ZNF420: variants seen among roughly 807,000 people sequenced by gnomAD.
ZNF420 encodes ATM and p53-associated KZNF protein.
ZNF420 carries 31 observed loss-of-function variants against 44.7 expected under a neutral mutation model. The ratio of observed to expected loss-of-function variants is 0.69; its 90% CI spans 0.52 to 0.94. ZNF420 has a LOEUF of 0.94. Among genes scored for constraint, ZNF420 ranks in the 40% least tolerant of loss-of-function variants. The probability of loss-of-function intolerance (pLI) is 0.00; values close to 1 mark genes in which losing one functional copy is unlikely to be tolerated. For missense variants in ZNF420, 681 were observed against 827.9 expected (o/e 0.82, Z 2.18); for synonymous variants, 245 against 267.4 (o/e 0.92, Z 0.82).
chr19:37,078,134 G>A (rs976325825), upstream of ZNF420: 8 of 152,360 alleles, frequency 5.3e-5, no homozygotes, highest in African/African-American at 1.9e-4. Flanking sequence ...TCTCCTGCCA[G>A]GGGTAGACCC....
At chr19:37,066,620 A>G in intron 1 of ZNF420, among the ~76,000 whole-genome samples, 1 of 152,238 alleles carries the variant, frequency 6.6e-6, no homozygotes. Flanking sequence ...GTAATGAGAT[A>G]TATAGCCAGA....
At chr19:37,122,939 G>A (rs1367359740) in intron 4 of ZNF420, among the ~76,000 whole-genome samples, 1 of 152,182 alleles carries the variant, frequency 6.6e-6, no homozygotes, top group African/African-American at 2.4e-5. Flanking sequence ...ATCTTCATTT[G>A]ATATCTAATA....
intron 4 of ZNF420, among the ~76,000 whole-genome samples, chr19:37,115,714 C>A (rs1168486182): frequency 2.0e-5 from 3 of 151,938 alleles, no homozygotes; most frequent in African/African-American, 7.2e-5. Flanking sequence ...AGGCCTTCCT[C>A]TTTTACTAAT....
chr19:37,024,261 G>A (rs534085807), intron 1 of ZNF420, among the ~76,000 whole-genome samples: 1 of 152,088 alleles, frequency 6.6e-6, no homozygotes, highest in East Asian at 1.9e-4. Flanking sequence ...TGTAACTCTG[G>A]CATGTATTGA....
chr19:37,105,574 A>C (rs998752631), intron 4 of ZNF420, among the ~76,000 whole-genome samples: 12 of 152,282 alleles, frequency 7.9e-5, no homozygotes, highest in African/African-American at 2.9e-4. Flanking sequence ...TGAATCTATA[A>C]ATTACCTTGG....
At chr19:37,060,273 C>G (rs1363262736) in intron 1 of ZNF420, among the ~76,000 whole-genome samples, 2 of 152,176 alleles carry the variant, frequency 1.3e-5, no homozygotes, top group African/African-American at 4.8e-5. Context: ...CCTCGCGTCT[C>G]TTCTCTGAGA....
intron 2 of ZNF420, among the ~76,000 whole-genome samples, chr19:37,085,515 C>T (rs1049716937): frequency 3.9e-5 from 6 of 152,132 alleles, no homozygotes; most frequent in Non-Finnish European, 5.9e-5. Flanking sequence ...ACTTCTAGTG[C>T]ATTACAGTCT....
intron 4 of ZNF420, chr19:37,092,478 C>T (rs147157649): frequency 0.025 from 3,820 of 152,058 alleles, 84 homozygotes; most frequent in Non-Finnish European, 0.034. Flanking sequence ...TTTGGGAGGC[C>T]GAGGAGGGCG....
chr19:37,056,260 C>T (rs1231628146), intron 1 of ZNF420, among the ~76,000 whole-genome samples: 1 of 152,154 alleles, frequency 6.6e-6, no homozygotes, highest in Non-Finnish European at 1.5e-5. Context: ...CAAAATGTGG[C>T]TTGGACTCAC....
chr19:37,079,497 T>C (rs900554794), intron 1 of ZNF420, among the ~76,000 whole-genome samples: 1 of 152,176 alleles, frequency 6.6e-6, no homozygotes, highest in Non-Finnish European at 1.5e-5. Flanking sequence ...CCTGTATTGC[T>C]TCATTTCTGT....
chr19:37,039,851 C>T (rs1023147184), intron 1 of ZNF420, among the ~76,000 whole-genome samples: 3 of 152,044 alleles, frequency 2.0e-5, no homozygotes, highest in African/African-American at 7.2e-5. Context: ...GAGGCATGCA[C>T]CACAATACAT....
At chr19:37,065,826 G>C (rs1450408533) in intron 1 of ZNF420, among the ~76,000 whole-genome samples, 1 of 152,178 alleles carries the variant, frequency 6.6e-6, no homozygotes, top group Non-Finnish European at 1.5e-5. Context: ...AGGTGCCAAA[G>C]ACCTCCACTG....
chr19:37,038,597 A>G (rs1241692919), intron 1 of ZNF420, among the ~76,000 whole-genome samples: 1 of 152,194 alleles, frequency 6.6e-6, no homozygotes, highest in Non-Finnish European at 1.5e-5. Flanking sequence ...CCAGGAGTAG[A>G]TTCCATCTCA....
At chr19:37,048,057 A>G (rs992803851) in intron 1 of ZNF420, among the ~76,000 whole-genome samples, 2 of 152,146 alleles carry the variant, frequency 1.3e-5, no homozygotes, top group Non-Finnish European at 2.9e-5. Context: ...GGGAGCTTTG[A>G]TTTTTTTAAA....
chr19:37,096,902 C>A (rs1187952018), intron 4 of ZNF420, among the ~76,000 whole-genome samples: 2 of 142,020 alleles, frequency 1.4e-5, no homozygotes, highest in African/African-American at 5.1e-5. Context: ...TTTTCTTATT[C>A]TTTTTTTTTT....
At chr19:37,051,991 G>A (rs911890942) in intron 1 of ZNF420, among the ~76,000 whole-genome samples, 2 of 152,180 alleles carry the variant, frequency 1.3e-5, no homozygotes, top group African/African-American at 2.4e-5. Flanking sequence ...TATTGTGTGG[G>A]AGTCTAAGTC....
In ZNF420 at chr19:37,127,331, T is replaced by C; in HGVS notation, c.340T>C (p.Tyr114His). The C allele has an allele frequency of 6.2e-7, 1 of 1,611,970 alleles. No individual in the cohort carries two copies. Among genetic ancestry groups the C allele is most frequent in the Non-Finnish European group, 8.5e-7 (1 of 1,178,468 alleles). ...KEYFRQGMII[Y>H]DKMSIFNQHT... The stretch of plus-strand genomic sequence containing the variant: ...ATATTTCAGGCAAGGGATGATCATA[T>C]ATGACAAAATGTCCATTTTCAACCA... The change falls in exon 5 of 5, where the codon TAT (tyrosine) becomes CAT (histidine). Residue 114 changes from tyrosine to histidine, a missense_variant. By Grantham distance (83) the Tyr-to-His change is moderately conservative. Coordinates refer to ENST00000337995, the MANE Select transcript of ZNF420 (RefSeq NM_144689.5).
At chr19:37,016,324 G>A (rs1225318883) in intron 1 of ZNF420, among the ~76,000 whole-genome samples, 1 of 152,236 alleles carries the variant, frequency 6.6e-6, no homozygotes, top group Admixed American at 6.5e-5. Flanking sequence ...ATTTCACAGA[G>A]CAAAAGGGAC....
At chr19:37,013,863 G>A (rs2074590190) in intron 1 of ZNF420, among the ~76,000 whole-genome samples, 1 of 152,186 alleles carries the variant, frequency 6.6e-6, no homozygotes, top group South Asian at 2.1e-4. Context: ...GTTTGAGGTG[G>A]AGCAAATGCG....
Sources: allele counts gnomAD v4.1 joint callset (sites outside exome capture counted in the v4.1 genomes callset), GRCh38; gene constraint gnomAD v4.1.1; transcripts MANE v1.5; gene names NCBI Gene and HGNC (gene_info 2026-07-23, HGNC 2026-07-21).